ANKRD16: variants seen among roughly 807,000 people sequenced by gnomAD.
ANKRD16 encodes ankyrin repeat domain 16.
In ANKRD16, 35 loss-of-function variants were observed where a neutral mutation model predicts 37.9. That is an observed-to-expected ratio of 0.92 (90% CI 0.71 to 1.23). The LOEUF is 1.23. Among genes scored for constraint, ANKRD16 ranks in the 50% most tolerant of loss-of-function variants. The pLI is 0.00. For missense variants in ANKRD16, 480 were observed against 469.9 expected, an observed-to-expected ratio of 1.02 and a Z score of -0.20; for synonymous variants, 206 against 197.2, an observed-to-expected ratio of 1.04 and a Z score of -0.37.
intron 6 of ANKRD16, among the ~76,000 whole-genome samples, chr10:5,879,433 C>T (rs1222290447): frequency 1.3e-5 from 2 of 151,690 alleles, no homozygotes; most frequent in East Asian, 1.9e-4. Context: ...GTGCCACTGC[C>T]CTCCAGACTG....
chr10:5,872,964 G>A (rs1293191082), intron 7 of ANKRD16, among the ~76,000 whole-genome samples: 2 of 149,408 alleles, frequency 1.3e-5, no homozygotes, highest in African/African-American at 2.5e-5. Context: ...GGGTTCAAGC[G>A]ATTCTATGCC....
chr10:5,883,960 T>G lies in ANKRD16; in HGVS notation c.687+9A>C. 6.2e-7 allele frequency: 1 copy of G among 1,612,158 alleles called. No individual in the cohort carries two copies. Among genetic ancestry groups the G allele is most frequent in the Non-Finnish European group, 8.5e-7 (1 of 1,178,688 alleles). ...AACCAAAAGAATAAAAACACAACCA[T>G]TTTTATACCCCATGTTCATCGAGGA... On this transcript the variant is annotated intron_variant, in intron 4 of 7. Transcript: ENST00000380094.
chr10:5,883,053 C>T lies in ANKRD16; in HGVS notation c.802G>A (p.Val268Met), dbSNP rs144690551. ...GTGAGGTGGGTTGATGTGGCTCTCACATCTACATCGACGCCAAGTTCAGAG... is the reference window on the plus strand; with the variant it reads ...GTGAGGTGGGTTGATGTGGCTCTCATATCTACATCGACGCCAAGTTCAGAG... ...LVSELGVDVD[V>M]RATSTHLTAL... The change falls in exon 5 of 8, where the codon GTG (valine) becomes ATG (methionine). Residue 268 changes from valine (V) to methionine (M), a missense_variant. By Grantham distance (21) the Val-to-Met change is conservative. Coordinates refer to ENST00000380094, the MANE Select transcript of ANKRD16 (RefSeq NM_019046.3). 861 of 1,613,984 alleles carry T rather than the reference C, an allele frequency of 5.3e-4. 3 individuals carry two copies. The highest frequency in any genetic ancestry group is 7.0e-4 in the Non-Finnish European group (827 of 1,180,062).
chr10:5,879,573 A>G (rs1402904712), intron 6 of ANKRD16, among the ~76,000 whole-genome samples: 2 of 152,284 alleles, frequency 1.3e-5, no homozygotes, highest in South Asian at 2.1e-4. Flanking sequence ...TGCTCTCAGC[A>G]GATGTTTCTG....
In ANKRD16 at chr10:5,866,666, G is replaced by A. The variant is rs1312570616; in HGVS notation, c.*34-3975C>T. 6.6e-6 allele frequency among the ~76,000 whole-genome samples: 1 copy of A among 152,216 alleles called. No individual in the cohort carries two copies. Among genetic ancestry groups the A allele is most frequent in the African/African-American group, 2.4e-5 (1 of 41,450 alleles). On this transcript the variant is annotated intron_variant, in intron 7 of 7. Coordinates refer to ENST00000380094, the MANE Select transcript of ANKRD16 (RefSeq NM_019046.3). The surrounding 1 kb of genome is among the most constrained non-coding windows in gnomAD (Gnocchi z 4.3). ...ACGCAGTGCAAAAACCCAAGGAGGTGGCAGTCTTACACCGCCGAAGCCATC... is the reference window on the plus strand; with the variant it reads ...ACGCAGTGCAAAAACCCAAGGAGGTAGCAGTCTTACACCGCCGAAGCCATC...
intron 1 of ANKRD16, among the ~76,000 whole-genome samples, 183 bp from the exon 2 acceptor site, chr10:5,888,250 A>C (rs1253082095): frequency 1.3e-5 from 2 of 152,182 alleles, no homozygotes; most frequent in African/African-American, 4.8e-5. Context: ...CCCTGGGAGA[A>C]ATAATAAGGG....
rs546589045 is a variant in ANKRD16, at chr10:5,863,613, T to C, written c.*34-922A>G. Among the ~76,000 whole-genome samples, 1 of 151,990 alleles carries C rather than the reference T, an allele frequency of 6.6e-6. No individual in the cohort carries two copies. Among genetic ancestry groups the C allele is most frequent in the Non-Finnish European group, 1.5e-5 (1 of 67,990 alleles). On this transcript the variant is annotated intron_variant, in intron 7 of 7. Coordinates refer to ENST00000380094, the MANE Select transcript of ANKRD16 (RefSeq NM_019046.3). The surrounding 1 kb of genome is among the most constrained non-coding windows in gnomAD (Gnocchi z 4.7). ...CCCCCTGCCAGCAGCAGCAACCCAC[T>C]TGGGTCCCCTTCCACACTGTGGAAG...
rs1376370861 is a variant in ANKRD16, at chr10:5,878,310, T to C, written c.929-23A>G. On this transcript the variant is annotated intron_variant, in intron 6 of 7. Transcript: ENST00000380094. This position sits in a 1 kb window ranked among gnomAD's most constrained non-coding sequence, Gnocchi z 5.1. ...GGGCTGAGGGGTGACAAAAATCACATGGACTTAAAACACAATCCCTGGAGC... is the reference window on the plus strand; with the variant it reads ...GGGCTGAGGGGTGACAAAAATCACACGGACTTAAAACACAATCCCTGGAGC... 1 of 1,607,482 alleles carries C rather than the reference T, an allele frequency of 6.2e-7. No homozygotes were observed. The highest frequency in any genetic ancestry group is 2.2e-5 in the East Asian group (1 of 44,768).
In ANKRD16 at chr10:5,869,049, T is replaced by C. The variant is rs1842053922; in HGVS notation, c.*34-6358A>G. 6.6e-6 allele frequency among the ~76,000 whole-genome samples: 1 copy of C among 152,126 alleles called. No homozygotes were observed. Among genetic ancestry groups the C allele is most frequent in the South Asian group, 2.1e-4 (1 of 4,830 alleles). ...TGTGGCCCAACACAAATTTGTAAAT[T>C]TTCTTAAAACATTGAGATGTTTTGC... On this transcript the variant is annotated intron_variant, in intron 7 of 7. Coordinates refer to ENST00000380094, the MANE Select transcript of ANKRD16 (RefSeq NM_019046.3). The surrounding 1 kb of genome is among the most constrained non-coding windows in gnomAD (Gnocchi z 4.0).
At position 5,883,098 on chromosome 10, in the gene ANKRD16, C is replaced by T. The variant is rs781706015; in HGVS notation, c.757G>A (p.Glu253Lys). ...TCAGAGACCAAGAATCGGATGGCTT[C>T]GTCCTGCCCTGTGACAGCTGCCCTG... is the stretch of plus-strand genomic sequence containing the variant. Reference protein sequence around the residue: ...LHRAAVTGQDEAIRFLVSELG... With the variant: ...LHRAAVTGQDKAIRFLVSELG... The change falls in exon 5 of 8, where the codon GAA becomes AAA. Residue 253 changes from glutamate to lysine, a missense_variant. Transcript: ENST00000380094. 6 of 1,614,074 alleles carry T rather than the reference C, an allele frequency of 3.7e-6. No homozygotes were observed. The highest frequency in any genetic ancestry group is 2.2e-5 in the East Asian group (1 of 44,884).
chr10:5,863,628 C>T lies in ANKRD16; in HGVS notation c.*34-937G>A, dbSNP rs1256725144. Among the ~76,000 whole-genome samples the T allele has an allele frequency of 1.3e-5, 2 of 152,198 alleles. No homozygotes were observed. The highest frequency in any genetic ancestry group is 3.9e-4 in the East Asian group (2 of 5,162). On this transcript the variant is annotated intron_variant, in intron 7 of 7. Coordinates refer to ENST00000380094, the MANE Select transcript of ANKRD16 (RefSeq NM_019046.3). This position sits in a 1 kb window ranked among gnomAD's most constrained non-coding sequence, Gnocchi z 4.7. ...AGCAACCCACTTGGGTCCCCTTCCACACTGTGGAAGCTTTGTTCTTTTGTT... is the reference window on the plus strand; with the variant it reads ...AGCAACCCACTTGGGTCCCCTTCCATACTGTGGAAGCTTTGTTCTTTTGTT...
In ANKRD16 at chr10:5,862,125, G is replaced by C. The variant is rs955605093; in HGVS notation, c.*600C>G. 1 of 184,676 alleles carries C rather than the reference G, an allele frequency of 5.4e-6. No individual in the cohort carries two copies. The highest frequency in any genetic ancestry group is 5.6e-5 in the Admixed American group (1 of 17,770). The allele number at this position is 184,676 out of a possible 1,614,324, so 11.4% of individuals were successfully genotyped here. ...TCACCACGTTAGCCAGGATGGTCTC[G>C]ATCTCCTGACCTCATGATCCTCCCG... On this transcript the variant is annotated 3_prime_UTR_variant, in exon 8 of 8. Coordinates refer to ENST00000380094, the MANE Select transcript of ANKRD16 (RefSeq NM_019046.3). This position sits in a 1 kb window ranked among gnomAD's most constrained non-coding sequence, Gnocchi z 6.5.
Position 5,868,479 on chromosome 10 carries a change from C to T in ANKRD16, c.*34-5788G>A, listed in dbSNP as rs1014502171. 6.6e-6 allele frequency among the ~76,000 whole-genome samples: 1 copy of T among 152,146 alleles called. No individual in the cohort carries two copies. The highest frequency in any genetic ancestry group is 2.4e-5 in the African/African-American group (1 of 41,440). ...AGAACTTTTCTGTCTAGCTAAAGGACTGTAAATGCACCAATCAGCACTCTA... is the reference window on the plus strand; with the variant it reads ...AGAACTTTTCTGTCTAGCTAAAGGATTGTAAATGCACCAATCAGCACTCTA... On this transcript the variant is annotated intron_variant, in intron 7 of 7. Coordinates refer to ENST00000380094, the MANE Select transcript of ANKRD16 (RefSeq NM_019046.3). The surrounding 1 kb of genome is among the most constrained non-coding windows in gnomAD (Gnocchi z 4.9).
At position 5,866,776 on chromosome 10, in the gene ANKRD16, GAC is replaced by G. The variant is rs1279975018; in HGVS notation, c.*34-4087_*34-4086del. Among the ~76,000 whole-genome samples the G allele has an allele frequency of 1.3e-5, 2 of 151,946 alleles. No individual in the cohort carries two copies. Among genetic ancestry groups the G allele is most frequent in the African/African-American group, 4.8e-5 (2 of 41,306 alleles). On this transcript the variant is annotated intron_variant, in intron 7 of 7. Transcript: ENST00000380094. The surrounding 1 kb of genome is among the most constrained non-coding windows in gnomAD (Gnocchi z 4.3). ...CCAGCAGAAAGGAAGGAGAGAAAGAGACAGACAGAGAGAAAGAGAGGAAGAGA... is the reference window on the plus strand; with the variant it reads ...CCAGCAGAAAGGAAGGAGAGAAAGAGAGACAGAGAGAAAGAGAGGAAGAGA...
At chr10:5,882,758 C>A (rs1842337680) in intron 5 of ANKRD16, 3 of 318,960 alleles carry the variant, frequency 9.4e-6, no homozygotes, top group Non-Finnish European at 1.7e-5. Context: ...AAACAAAAAC[C>A]TGTGTGTGAG....
intron 7 of ANKRD16, among the ~76,000 whole-genome samples, chr10:5,867,086 T>C (rs1842026425): frequency 6.6e-6 from 1 of 152,224 alleles, no homozygotes; most frequent in Admixed American, 6.5e-5. Flanking sequence ...AATTGATAAT[T>C]GAAGGTCTTC....
In ANKRD16 at chr10:5,874,925, G is replaced by T. The variant is rs1489191711; in HGVS notation, c.*33+3172C>A. Among the ~76,000 whole-genome samples the T allele has an allele frequency of 6.6e-6, 1 of 152,146 alleles. No homozygotes were observed. Among genetic ancestry groups the T allele is most frequent in the Non-Finnish European group, 1.5e-5 (1 of 68,038 alleles). On this transcript the variant is annotated intron_variant, in intron 7 of 7. Coordinates refer to ENST00000380094, the MANE Select transcript of ANKRD16 (RefSeq NM_019046.3). This position sits in a 1 kb window ranked among gnomAD's most constrained non-coding sequence, Gnocchi z 4.7. ...TGCAGAGGCAGAGAAGGAAAAGGCA[G>T]AAAGAAAAACCCAGGAGTGCATTAT... is the stretch of plus-strand genomic sequence containing the variant.
chr10:5,880,058 C>T (rs1198052637), intron 6 of ANKRD16, among the ~76,000 whole-genome samples: 2 of 151,070 alleles, frequency 1.3e-5, no homozygotes, highest in African/African-American at 4.9e-5. Flanking sequence ...ACTTGGGAGG[C>T]TGAGACATGA....
rs758559125 is a variant in ANKRD16 at position 5,884,075 on chromosome 10, C to T, written c.581G>A (p.Cys194Tyr). ...GTCTCTGTAGTCTGGTTCATATTGG[C>T]ACCTAGAGCCAAAACCCCAAGTAAG... ...LEAVKVLLKR[C>Y]QYEPDYRDNC... Residue 194 changes from cysteine to tyrosine, a missense_variant and splice_region_variant, in exon 4 of 8, where the codon TGC becomes TAC. By Grantham distance (194) the Cys-to-Tyr change is radical. Transcript: ENST00000380094. 3 of 1,613,434 alleles carry T rather than the reference C, an allele frequency of 1.9e-6. No homozygotes were observed. In the South Asian group the frequency reaches 3.3e-5, roughly 18 times the overall value.
Sources: allele counts gnomAD v4.1 joint callset (sites outside exome capture counted in the v4.1 genomes callset), GRCh38; gene constraint gnomAD v4.1.1; non-coding constraint Gnocchi (gnomAD v3.1); transcripts MANE v1.5; gene names NCBI Gene and HGNC (gene_info 2026-07-23, HGNC 2026-07-21).